The following RPS6KC1 variants were observed in gnomAD, a reference collection of about 807,000 sequenced individuals.
RPS6KC1 encodes the protein inactive ribosomal protein S6 kinase delta-1.
RPS6KC1 carries 54 observed loss-of-function variants against 103.8 expected under a neutral mutation model. The observed-to-expected ratio is 0.52, with a 90% CI of 0.42 to 0.65. The LOEUF (loss-of-function observed/expected upper bound fraction) is 0.65. RPS6KC1 is among the 30% of genes least tolerant of loss of function. The pLI is 0.00. For missense variants in RPS6KC1, 1,151 were observed against 1,253.8 expected, an observed-to-expected ratio of 0.92 and a Z score of 1.24; for synonymous variants, 439 against 438.7, an observed-to-expected ratio of 1.00 and a Z score of -0.01.
intron 3 of RPS6KC1, among the ~76,000 whole-genome samples, chr1:213,088,464 G>C (rs1335668253): frequency 6.6e-6 from 1 of 151,950 alleles, no homozygotes; most frequent in Non-Finnish European, 1.5e-5. Context: ...CCGGGTTCAA[G>C]CGATTCTCCG....
chr1:213,803,154 T>A, the RPS6KC1 span, among the ~76,000 whole-genome samples: 1 of 151,044 alleles, frequency 6.6e-6, no homozygotes, highest in Non-Finnish European at 1.5e-5. Context: ...TGACTAAACA[T>A]CCTAAAGTTC....
the RPS6KC1 span, among the ~76,000 whole-genome samples, chr1:213,854,893 A>G: frequency 4.6e-5 from 7 of 152,214 alleles, no homozygotes; most frequent in South Asian, 1.4e-3. Context: ...ACAAGATACC[A>G]TAATCTGTGT....
At chr1:213,351,242 A>G in the RPS6KC1 span, among the ~76,000 whole-genome samples, 1 of 152,232 alleles carries the variant, frequency 6.6e-6, no homozygotes, top group East Asian at 1.9e-4. Flanking sequence ...GTAGACACAC[A>G]AAATGAATTT....
At chr1:213,553,128 TGATA>T in the RPS6KC1 span, among the ~76,000 whole-genome samples, 859 of 152,258 alleles carry the variant, frequency 5.6e-3, 4 homozygotes, top group African/African-American at 0.02. Flanking sequence ...GCCTAATACC[TGATA>T]GATAGTTTTG....
intron 2 of RPS6KC1, among the ~76,000 whole-genome samples, chr1:213,072,364 CTATGATTTAAAACAGATA>C (rs1248717950): frequency 6.6e-6 from 1 of 151,596 alleles, no homozygotes; most frequent in Non-Finnish European, 1.5e-5. Context: ...TGTTTTTGTC[CTATGATTTAAAACAGATA>C]TATTTTTATA....
intron 5 of RPS6KC1, among the ~76,000 whole-genome samples, chr1:213,119,820 C>G (rs1455656022): frequency 6.6e-6 from 1 of 151,888 alleles, no homozygotes; most frequent in Admixed American, 6.6e-5. Flanking sequence ...TGATGCTGTT[C>G]AAGGTGAACA....
chr1:213,257,447 A>C (rs892248214), intron 12 of RPS6KC1, among the ~76,000 whole-genome samples: 1 of 152,118 alleles, frequency 6.6e-6, no homozygotes, highest in African/African-American at 2.4e-5. Context: ...CATCTCATTA[A>C]TTTTTACATC....
chr1:213,060,974 A>AGC (rs2077781488), intron 1 of RPS6KC1, among the ~76,000 whole-genome samples: 1 of 151,840 alleles, frequency 6.6e-6, no homozygotes, highest in East Asian at 1.9e-4. Flanking sequence ...TGGGAAGTCC[A>AGC]AGACCAAGAG....
chr1:213,256,220 G>A lies in RPS6KC1; in HGVS notation c.2912-5338G>A, dbSNP rs4434818. Among the ~76,000 whole-genome samples the A allele has an allele frequency of 9.2e-3, 1,401 of 152,264 alleles. 43 individuals carry two copies. The highest frequency in any genetic ancestry group is 0.07 in the East Asian group (363 of 5,178). On this transcript the variant is annotated intron_variant, in intron 12 of 14. Coordinates refer to ENST00000366960, the MANE Select transcript of RPS6KC1 (RefSeq NM_012424.6). ...AAAGCTGAACTAATCATATCTGAGA[G>A]GAGGCAAGAAAGAAAGTCAATGGGG...
At chr1:213,322,910 GCTTT>G in the RPS6KC1 span, among the ~76,000 whole-genome samples, 20 of 87,798 alleles carry the variant, frequency 2.3e-4, no homozygotes, top group African/African-American at 5.2e-4. Context: ...ACCATGCCCA[GCTTT>G]TTTTTTTTTT....
At chr1:213,098,172 G>A (rs1420590056) in intron 3 of RPS6KC1, among the ~76,000 whole-genome samples, 1 of 152,072 alleles carries the variant, frequency 6.6e-6, no homozygotes, top group Admixed American at 6.6e-5. Context: ...CTGGAGTGTA[G>A]TGATGCGATC....
chr1:213,326,437 G>A, the RPS6KC1 span, among the ~76,000 whole-genome samples: 1 of 152,154 alleles, frequency 6.6e-6, no homozygotes, highest in Non-Finnish European at 1.5e-5. Flanking sequence ...ATGCAGTTCT[G>A]GTGATTCAGA....
intron 3 of RPS6KC1, among the ~76,000 whole-genome samples, chr1:213,085,005 T>C (rs1303396316): frequency 6.6e-6 from 1 of 152,230 alleles, no homozygotes; most frequent in Admixed American, 6.5e-5. Flanking sequence ...GGGGCTGCCA[T>C]AACAGATTAC....
At position 213,232,301 on chromosome 1, in the gene RPS6KC1, A is replaced by G. The variant is rs373453628; in HGVS notation, c.1225+46A>G. On this transcript the variant is annotated intron_variant, in intron 10 of 14. Transcript: ENST00000366960. ...GTTTATGCAGTGAAGAATGTCACCT[A>G]CTTAGCTTCCAGTTTCTCTCTGTCA... 5 of 1,610,534 alleles carry G rather than the reference A, an allele frequency of 3.1e-6. No individual in the cohort carries two copies. In the African/African-American group the frequency reaches 4.0e-5, roughly 13 times the overall value.
chr1:213,712,765 G>A, the RPS6KC1 span, among the ~76,000 whole-genome samples: 1 of 152,182 alleles, frequency 6.6e-6, no homozygotes, highest in Non-Finnish European at 1.5e-5. Flanking sequence ...GGCTTGGGGA[G>A]GGAGTTCCCC....
the RPS6KC1 span, among the ~76,000 whole-genome samples, chr1:213,389,886 C>T: frequency 1.3e-5 from 2 of 152,082 alleles, no homozygotes; most frequent in Non-Finnish European, 2.9e-5. Flanking sequence ...TTGTAATACA[C>T]AGAGCATGCT....
chr1:213,474,650 C>CAT, the RPS6KC1 span, among the ~76,000 whole-genome samples: 1 of 152,096 alleles, frequency 6.6e-6, no homozygotes, highest in Non-Finnish European at 1.5e-5. Flanking sequence ...GAGCAGAGCG[C>CAT]ATATGTATCT....
chr1:213,165,614 G>C (rs2090893102), intron 6 of RPS6KC1, among the ~76,000 whole-genome samples: 1 of 152,028 alleles, frequency 6.6e-6, no homozygotes, highest in South Asian at 2.1e-4. Context: ...TAGTAGAGAC[G>C]GGGTTTCACC....
At chr1:213,369,204 A>G in the RPS6KC1 span, among the ~76,000 whole-genome samples, 1 of 152,186 alleles carries the variant, frequency 6.6e-6, no homozygotes, top group South Asian at 2.1e-4. Context: ...AACTTCTAAG[A>G]TGGTTGAAGT....
Sources: gnomAD v4.1 joint callset for allele counts (sites outside exome capture counted in the v4.1 genomes callset) on GRCh38, gnomAD v4.1.1 for gene constraint, MANE v1.5 for transcripts, NCBI Gene and HGNC (gene_info 2026-07-23, HGNC 2026-07-21) for gene names.